Variants in NELL2 observed in about 807,000 individuals in gnomAD.
The protein encoded by NELL2 is protein kinase C-binding protein NELL2.
In NELL2, 41 loss-of-function variants were observed where a neutral mutation model predicts 109.6. The observed-to-expected ratio is 0.37, with a 90% CI of 0.29 to 0.49. The LOEUF (loss-of-function observed/expected upper bound fraction) is 0.49. Among genes scored for constraint, NELL2 ranks in the 20% least tolerant of loss-of-function variants. The pLI is 0.98. For missense variants in NELL2, 900 were observed against 1,008.3 expected (o/e 0.89, Z 1.45); for synonymous variants, 355 against 344.7 (o/e 1.03, Z -0.33).
At chr12:44,550,666 A>G (rs1463655799) in intron 15 of NELL2, among the ~76,000 whole-genome samples, 1 of 152,224 alleles carries the variant, frequency 6.6e-6, no homozygotes, top group Non-Finnish European at 1.5e-5. Context: ...TATACATACA[A>G]TGAAATACTA....
At chr12:44,580,540 A>C (rs932532963) in intron 15 of NELL2, among the ~76,000 whole-genome samples, 8 of 152,096 alleles carry the variant, frequency 5.3e-5, no homozygotes, top group Non-Finnish European at 7.3e-5. Context: ...AACATGGAGA[A>C]AGCCCATCTC....
At chr12:44,833,522 T>C (rs1943951601) in intron 2 of NELL2, among the ~76,000 whole-genome samples, 3 of 151,878 alleles carry the variant, frequency 2.0e-5, no homozygotes, top group Admixed American at 1.3e-4. Context: ...CTGTGTACTA[T>C]ACCTCTCTTC....
intron 2 of NELL2, among the ~76,000 whole-genome samples, chr12:44,852,472 G>A (rs1420007860): frequency 6.6e-6 from 1 of 152,124 alleles, no homozygotes; most frequent in Non-Finnish European, 1.5e-5. Context: ...ACACAGATGG[G>A]AACAGTTTAA....
In NELL2 at chr12:44,585,358, TTGGGAGGCTG is replaced by T. The variant is rs374205888; in HGVS notation, c.1663+21801_1663+21810del. The stretch of plus-strand genomic sequence containing the variant: ...GGCTCACACCTGTAATCCCAGAACT[TTGGGAGGCTG>T]AGGGAGGCGGATCATCTGAGGTCAG... On this transcript the variant is annotated intron_variant, in intron 15 of 19. Coordinates refer to ENST00000429094, the MANE Select transcript of NELL2 (RefSeq NM_001145108.2). Among the ~76,000 whole-genome samples the T allele has an allele frequency of 8.9e-3, 1,357 of 152,092 alleles. 15 individuals carry two copies. Among genetic ancestry groups the T allele is most frequent in the African/African-American group, 0.031 (1,278 of 41,478 alleles).
intron 12 of NELL2, among the ~76,000 whole-genome samples, chr12:44,699,047 T>C (rs1592357863): frequency 1.3e-5 from 2 of 152,108 alleles, no homozygotes; most frequent in East Asian, 3.9e-4. Flanking sequence ...GAAGATATAG[T>C]CAAAACATCA....
intron 2 of NELL2, among the ~76,000 whole-genome samples, chr12:44,863,491 G>A (rs75400174): frequency 4.0e-5 from 6 of 149,358 alleles, no homozygotes; most frequent in African/African-American, 1.2e-4. Flanking sequence ...CGAGGAGAGA[G>A]CTGGGTGATA....
At chr12:44,791,274 G>A (rs1942423458) in intron 3 of NELL2, among the ~76,000 whole-genome samples, 1 of 121,292 alleles carries the variant, frequency 8.2e-6, no homozygotes, top group Non-Finnish European at 1.7e-5. Flanking sequence ...AATGGCATTT[G>A]CAGTGACCTG....
chr12:44,611,456 A>G (rs1007579479), intron 13 of NELL2, among the ~76,000 whole-genome samples: 2 of 152,132 alleles, frequency 1.3e-5, no homozygotes, highest in African/African-American at 4.8e-5. Flanking sequence ...TTCCAAGCCT[A>G]AAGATACTTA....
intron 3 of NELL2, among the ~76,000 whole-genome samples, chr12:44,791,218 A>AT (rs1942417920): frequency 2.1e-5 from 2 of 93,548 alleles, no homozygotes; most frequent in Admixed American, 1.1e-4. Context: ...ATATATATAT[A>AT]TATATATATG....
chr12:44,562,479 AAAC>A (rs1357435841), intron 15 of NELL2, among the ~76,000 whole-genome samples: 2 of 152,208 alleles, frequency 1.3e-5, no homozygotes, highest in Non-Finnish European at 2.9e-5. Context: ...AGAAAAAAAC[AAAC>A]AACCCCATGA....
chr12:44,705,925 A>C (rs1273675658), intron 11 of NELL2, among the ~76,000 whole-genome samples: 1 of 152,078 alleles, frequency 6.6e-6, no homozygotes, highest in Non-Finnish European at 1.5e-5. Context: ...CACTTGGTTG[A>C]ATTTTCTCCT....
intron 9 of NELL2, among the ~76,000 whole-genome samples, chr12:44,742,494 A>G (rs918211908): frequency 1.4e-4 from 21 of 152,228 alleles, no homozygotes; most frequent in Admixed American, 3.9e-4. Context: ...AAGGCTTCAG[A>G]CGATCAAACT....
chr12:44,796,891 C>G lies in NELL2; in HGVS notation c.336-16869G>C, dbSNP rs964653401. 2.0e-5 allele frequency among the ~76,000 whole-genome samples: 3 copies of G among 151,840 alleles called. No individual in the cohort carries two copies. The East Asian group carries it at 5.8e-4, about 29-fold the overall frequency. On this transcript the variant is annotated intron_variant, in intron 3 of 19. Coordinates refer to ENST00000429094, the MANE Select transcript of NELL2 (RefSeq NM_001145108.2). ...ATATAAAATACAAGGAAAAAATGAC[C>G]ACTTGTAAATTACAGGTAATTTATT...
At chr12:44,673,379 C>G (rs902946017) in intron 12 of NELL2, among the ~76,000 whole-genome samples, 1 of 152,164 alleles carries the variant, frequency 6.6e-6, no homozygotes, top group African/African-American at 2.4e-5. Context: ...ATTTTCAATT[C>G]TCTACACATT....
chr12:44,556,989 T>C (rs1943283029), intron 15 of NELL2, among the ~76,000 whole-genome samples: 1 of 152,182 alleles, frequency 6.6e-6, no homozygotes, highest in Admixed American at 6.5e-5. Context: ...AAATTTTAGA[T>C]ATTATCCTGA....
At chr12:44,707,488 A>G (rs150707421) in intron 11 of NELL2, among the ~76,000 whole-genome samples, 6 of 152,298 alleles carry the variant, frequency 3.9e-5, no homozygotes, top group Non-Finnish European at 7.4e-5. Context: ...CCTGAAGCCA[A>G]TTTATCCTCT....
chr12:44,677,002 T>A (rs1948342467), intron 12 of NELL2, among the ~76,000 whole-genome samples: 1 of 151,838 alleles, frequency 6.6e-6, no homozygotes, highest in East Asian at 1.9e-4. Flanking sequence ...GGAATGGGAG[T>A]TTGAGAAGGA....
At chr12:44,628,238 T>C (rs1946335041) in intron 13 of NELL2, among the ~76,000 whole-genome samples, 1 of 152,180 alleles carries the variant, frequency 6.6e-6, no homozygotes, top group Non-Finnish European at 1.5e-5. Context: ...AATAATACAA[T>C]GGGTTTTGTA....
intron 14 of NELL2, 69 bp downstream of exon 14, chr12:44,610,779 G>T (rs1193769212): frequency 5.0e-5 from 79 of 1,594,870 alleles, no homozygotes; most frequent in Non-Finnish European, 3.0e-5. Context: ...TAATGATAAG[G>T]TGTAGAGGAA....
Sources: allele counts gnomAD v4.1 joint callset (sites outside exome capture counted in the v4.1 genomes callset), GRCh38; gene constraint gnomAD v4.1.1; transcripts MANE v1.5; gene names NCBI Gene and HGNC (gene_info 2026-07-23, HGNC 2026-07-21).